The following AJAP1 variants were observed in gnomAD, a reference collection of about 807,000 sequenced individuals.
AJAP1 encodes adherens junction-associated protein 1.
AJAP1 carries 5 observed loss-of-function variants against 35.0 expected under a neutral mutation model. The observed-to-expected ratio is 0.14, with a 90% CI of 0.07 to 0.30. The LOEUF (loss-of-function observed/expected upper bound fraction) is 0.30. AJAP1 is among the 10% of genes least tolerant of loss of function. The probability of loss-of-function intolerance (pLI) is 1.00; values close to 1 mark genes in which losing one functional copy is unlikely to be tolerated. For synonymous variants in AJAP1, 284 were observed against 249.3 expected (o/e 1.14, Z -1.31); for missense variants, 586 against 571.0 (o/e 1.03, Z -0.27).
chr1:4,757,263 G>A (rs115110824), intron 2 of AJAP1, among the ~76,000 whole-genome samples: 2,200 of 152,294 alleles, frequency 0.014, 49 homozygotes, highest in African/African-American at 0.04. Context: ...GCCACAAACA[G>A]CACCAGACCC....
At chr1:4,721,121 C>G (rs1002740999) in intron 2 of AJAP1, among the ~76,000 whole-genome samples, 1 of 152,218 alleles carries the variant, frequency 6.6e-6, no homozygotes, top group Non-Finnish European at 1.5e-5. Flanking sequence ...ACAGTTTGCC[C>G]AGCAGATGTG....
intron 1 of AJAP1, among the ~76,000 whole-genome samples, chr1:4,672,580 C>T (rs980493157): frequency 5.3e-5 from 8 of 152,128 alleles, no homozygotes; most frequent in African/African-American, 1.9e-4. Context: ...GGATAGAGGC[C>T]CTTCCATTGC....
At chr1:4,767,392 A>G (rs1641707783) in intron 2 of AJAP1, among the ~76,000 whole-genome samples, 1 of 150,558 alleles carries the variant, frequency 6.6e-6, no homozygotes, top group Non-Finnish European at 1.5e-5. Flanking sequence ...CACCACCACC[A>G]TCATCATCGT....
At chr1:4,767,501 C>T (rs1015837630) in intron 2 of AJAP1, among the ~76,000 whole-genome samples, 1 of 150,354 alleles carries the variant, frequency 6.7e-6, no homozygotes, top group Non-Finnish European at 1.5e-5. Context: ...CCATCATTAT[C>T]ACCATCATCA....
chr1:4,700,000 G>C (rs1440837547), intron 1 of AJAP1, among the ~76,000 whole-genome samples: 2 of 152,182 alleles, frequency 1.3e-5, no homozygotes, highest in Non-Finnish European at 2.9e-5. Context: ...GTTTTCTCTA[G>C]TTAAATATGC....
intron 1 of AJAP1, among the ~76,000 whole-genome samples, chr1:4,666,470 G>C (rs12565905): frequency 0.43 from 55,540 of 128,550 alleles, 13,311 homozygotes; most frequent in African/African-American, 0.53. Context: ...ACAGACCCTG[G>C]GGAGTGAGGG....
At chr1:4,744,675 C>T (rs1474183997) in intron 2 of AJAP1, among the ~76,000 whole-genome samples, 2 of 151,864 alleles carry the variant, frequency 1.3e-5, no homozygotes, top group Non-Finnish European at 2.9e-5. Flanking sequence ...GCACGCCCAC[C>T]CTCATGTCTC....
At chr1:4,717,422 C>A (rs1640419081) in intron 2 of AJAP1, among the ~76,000 whole-genome samples, 1 of 152,184 alleles carries the variant, frequency 6.6e-6, no homozygotes, top group Admixed American at 6.5e-5. Context: ...CAGGAGGGGC[C>A]CTGAAATCCT....
chr1:4,728,507 C>G (rs746397477), intron 2 of AJAP1, among the ~76,000 whole-genome samples: 9 of 152,138 alleles, frequency 5.9e-5, no homozygotes, highest in Non-Finnish European at 1.0e-4. Context: ...GTGGCTGCCC[C>G]GATGCTGTGT....
chr1:4,767,524 C>CCAT (rs57680083), intron 2 of AJAP1, among the ~76,000 whole-genome samples: 1 of 149,228 alleles, frequency 6.7e-6, no homozygotes, highest in East Asian at 2.0e-4. Context: ...ATCACCACCA[C>CCAT]CATCACCATT....
intron 2 of AJAP1, among the ~76,000 whole-genome samples, chr1:4,747,046 A>G (rs142439581): frequency 1.3e-3 from 196 of 152,340 alleles, no homozygotes; most frequent in African/African-American, 4.5e-3. Flanking sequence ...CTGTGGGAGA[A>G]CGCCACTGTC....
At chr1:4,658,985 C>T (rs1046505486) in intron 1 of AJAP1, among the ~76,000 whole-genome samples, 1 of 152,206 alleles carries the variant, frequency 6.6e-6, no homozygotes, top group Non-Finnish European at 1.5e-5. Context: ...TCCCTCTGAC[C>T]CACACACAAA....
chr1:4,701,111 G>C (rs2100244782), intron 1 of AJAP1, among the ~76,000 whole-genome samples: 1 of 152,360 alleles, frequency 6.6e-6, no homozygotes, highest in South Asian at 2.1e-4. Context: ...TCTCCTCCAA[G>C]CACCTGCGAA....
At chr1:4,671,171 C>G (rs190515256) in intron 1 of AJAP1, among the ~76,000 whole-genome samples, 200 of 152,254 alleles carry the variant, frequency 1.3e-3, no homozygotes, top group Non-Finnish European at 5.9e-4. Flanking sequence ...AAGTTCAAGA[C>G]CAGCCTGGCC....
chr1:4,699,621 C>T (rs910513031), intron 1 of AJAP1, among the ~76,000 whole-genome samples: 3 of 152,048 alleles, frequency 2.0e-5, no homozygotes, highest in African/African-American at 4.8e-5. Flanking sequence ...ATGCATTTTC[C>T]CAATGTAGGA....
chr1:4,674,844 A>G (rs1639329491), intron 1 of AJAP1, among the ~76,000 whole-genome samples: 1 of 152,248 alleles, frequency 6.6e-6, no homozygotes. Context: ...GCCTTGCTTC[A>G]TCTGCACGCG....
intron 3 of AJAP1, among the ~76,000 whole-genome samples, chr1:4,770,755 A>C (rs1282966172): frequency 1.3e-5 from 2 of 152,196 alleles, no homozygotes; most frequent in Non-Finnish European, 2.9e-5. Flanking sequence ...GAACACAAGA[A>C]AGAGAGAGAA....
chr1:4,684,548 G>A (rs945933981), intron 1 of AJAP1, among the ~76,000 whole-genome samples: 3 of 152,266 alleles, frequency 2.0e-5, no homozygotes, highest in African/African-American at 7.2e-5. Context: ...CTTTCCAGGA[G>A]CTGTTTCTCA....
At chr1:4,737,068 C>G (rs1019699907) in intron 2 of AJAP1, among the ~76,000 whole-genome samples, 3 of 152,208 alleles carry the variant, frequency 2.0e-5, no homozygotes, top group Non-Finnish European at 2.9e-5. Flanking sequence ...GGCACACTTG[C>G]ATTGGGCAAA....
Sources: allele counts gnomAD v4.1 joint callset (sites outside exome capture counted in the v4.1 genomes callset), GRCh38; gene constraint gnomAD v4.1.1; transcripts MANE v1.5; gene names NCBI Gene and HGNC (gene_info 2026-07-23, HGNC 2026-07-21).